Variants in LRP1B observed in about 807,000 individuals in gnomAD.
The protein encoded by LRP1B is low-density lipoprotein receptor-related protein 1B.
LRP1B carries 217 observed loss-of-function variants against 556.6 expected under a neutral mutation model. The observed-to-expected ratio is 0.39, with a 90% CI of 0.35 to 0.44. The LOEUF is 0.44. LRP1B is among the 20% of genes least tolerant of loss of function. The pLI, the probability that LRP1B is intolerant of heterozygous loss-of-function variation, is 1.00. For missense variants in LRP1B, 5,053 were observed against 5,620.8 expected (o/e 0.90, Z 3.23); for synonymous variants, 2,047 against 1,865.8 (o/e 1.10, Z -2.50).
chr2:141,795,899 T>TATATATATATATATATATATATATAA (rs1247641787), intron 2 of LRP1B, among the ~76,000 whole-genome samples: 1 of 77,022 alleles, frequency 1.3e-5, no homozygotes, highest in Non-Finnish European at 2.7e-5. Context: ...TATATATATA[T>TATATATATATATATATATATATATAA]AATCTTTAAG....
intron 7 of LRP1B, among the ~76,000 whole-genome samples, chr2:141,122,317 C>G (rs1315857697): frequency 1.3e-5 from 2 of 151,738 alleles, no homozygotes; most frequent in Non-Finnish European, 2.9e-5. Flanking sequence ...AACAGGCAAC[C>G]TACAGAATGG....
chr2:141,123,631 A>G (rs1243929202), intron 7 of LRP1B, among the ~76,000 whole-genome samples: 1 of 152,154 alleles, frequency 6.6e-6, no homozygotes, highest in Non-Finnish European at 1.5e-5. Flanking sequence ...GAATTTGCAC[A>G]CATCTGCCTA....
At chr2:140,371,314 G>C (rs2105167253) in intron 69 of LRP1B, 29 bp from the exon 70 acceptor site, 7 of 1,260,194 alleles carry the variant, frequency 5.6e-6, no homozygotes, top group Non-Finnish European at 5.6e-6. Context: ...TTGAAATTGA[G>C]ATAGAGTAAA....
At chr2:141,947,766 C>G (rs1418339239) in intron 1 of LRP1B, among the ~76,000 whole-genome samples, 1 of 151,130 alleles carries the variant, frequency 6.6e-6, no homozygotes, top group Non-Finnish European at 1.5e-5. Flanking sequence ...AAATACTTAT[C>G]TCTAAAATTC....
chr2:141,995,419 C>A (rs1702464135), intron 1 of LRP1B, among the ~76,000 whole-genome samples: 2 of 152,158 alleles, frequency 1.3e-5, no homozygotes, highest in Admixed American at 1.3e-4. Flanking sequence ...CTGACTCTGA[C>A]TCTTCCGCCT....
At chr2:140,586,718 C>T (rs1309806175) in intron 43 of LRP1B, 3 of 151,980 alleles carry the variant, frequency 2.0e-5, no homozygotes, top group Non-Finnish European at 4.4e-5. Flanking sequence ...AGGGTAGCAC[C>T]CCTCACTTTC....
intron 19 of LRP1B, 44 bp downstream of exon 19, chr2:140,951,816 C>T (rs779794411): frequency 6.8e-7 from 1 of 1,477,712 alleles, no homozygotes; most frequent in Non-Finnish European, 9.4e-7. Flanking sequence ...GACCGCCAAG[C>T]CCCCGATCAA....
chr2:141,896,387 C>G (rs1699454305), intron 1 of LRP1B, among the ~76,000 whole-genome samples: 1 of 152,130 alleles, frequency 6.6e-6, no homozygotes, highest in Non-Finnish European at 1.5e-5. Flanking sequence ...TAAACTAACT[C>G]TAACTTAAAG....
At chr2:140,580,608 T>C (rs1558981782) in intron 43 of LRP1B, among the ~76,000 whole-genome samples, 1 of 152,052 alleles carries the variant, frequency 6.6e-6, no homozygotes, top group Non-Finnish European at 1.5e-5. Context: ...ATTTCCATGA[T>C]AGCTCATAAT....
At chr2:141,501,652 C>G (rs960820785) in intron 2 of LRP1B, among the ~76,000 whole-genome samples, 1 of 152,110 alleles carries the variant, frequency 6.6e-6, no homozygotes, top group South Asian at 2.1e-4. Context: ...GTAAGCTGCT[C>G]TATACAAATG....
At chr2:141,931,360 A>T (rs1202173307) in intron 1 of LRP1B, among the ~76,000 whole-genome samples, 2 of 151,954 alleles carry the variant, frequency 1.3e-5, no homozygotes, top group Non-Finnish European at 2.9e-5. Flanking sequence ...TTGGAGAAAT[A>T]CAAAGCACTG....
chr2:141,119,818 A>AG (rs1332257664), intron 7 of LRP1B, among the ~76,000 whole-genome samples: 1 of 151,788 alleles, frequency 6.6e-6, no homozygotes, highest in African/African-American at 2.4e-5. Context: ...CTCACAGAGC[A>AG]GGGGATAAAG....
At chr2:141,611,886 T>C (rs140405423) in intron 2 of LRP1B, among the ~76,000 whole-genome samples, 1,674 of 152,274 alleles carry the variant, frequency 0.011, 16 homozygotes, top group Middle Eastern at 0.027. Context: ...CACAGCCCGA[T>C]TTAATGGGAA....
chr2:142,122,736 G>A (rs952558036), intron 1 of LRP1B, among the ~76,000 whole-genome samples: 11 of 151,880 alleles, frequency 7.2e-5, no homozygotes, highest in Non-Finnish European at 1.5e-4. Flanking sequence ...CTCACGAGGT[G>A]GTGTCATTAT....
At chr2:140,607,443 C>T (rs968527735) in intron 41 of LRP1B, among the ~76,000 whole-genome samples, 2 of 151,948 alleles carry the variant, frequency 1.3e-5, no homozygotes, top group Non-Finnish European at 2.9e-5. Context: ...CGAAAACGTA[C>T]CTCCACACAT....
intron 57 of LRP1B, 130 bp from the exon 58 acceptor site, chr2:140,487,869 CT>C (rs1456038961): frequency 1.0e-4 from 53 of 513,092 alleles, no homozygotes; most frequent in Non-Finnish European, 1.6e-4. Context: ...AAAGTATTTG[CT>C]ACCAGTTCTC....
chr2:141,919,973 C>G (rs750339427), intron 1 of LRP1B, among the ~76,000 whole-genome samples: 1 of 151,978 alleles, frequency 6.6e-6, no homozygotes, highest in African/African-American at 2.4e-5. Flanking sequence ...TCACTAATCT[C>G]TAACTGGTAT....
In LRP1B at chr2:140,486,059, G is replaced by T. The variant is rs533736003; in HGVS notation, c.9244-535C>A. On this transcript the variant is annotated intron_variant, in intron 58 of 90. Transcript: ENST00000389484. ...GAGGTAACAATGTACACATTCAGCT[G>T]CTGTTATCAATTTTAATCCATGAAT... 2.0e-5 allele frequency among the ~76,000 whole-genome samples: 3 copies of T among 151,972 alleles called. No individual in the cohort carries two copies. The South Asian group carries it at 6.2e-4, about 32-fold the overall frequency.
intron 3 of LRP1B, among the ~76,000 whole-genome samples, chr2:141,443,399 T>G (rs1257006053): frequency 6.6e-6 from 1 of 152,206 alleles, no homozygotes. Context: ...ACTGTGATGA[T>G]AGCTTCTTTT....
Sources: gnomAD v4.1 joint callset for allele counts (sites outside exome capture counted in the v4.1 genomes callset) on GRCh38, gnomAD v4.1.1 for gene constraint, MANE v1.5 for transcripts, NCBI Gene and HGNC (gene_info 2026-07-23, HGNC 2026-07-21) for gene names.